The following SGSM3 variants were observed in gnomAD, a reference collection of about 807,000 sequenced individuals.
The protein encoded by SGSM3 is RUN and SH3 containing 3.
A neutral mutation model predicts 100.5 loss-of-function variants in SGSM3; 96 were observed. The observed-to-expected ratio is 0.96, with a 90% CI of 0.81 to 1.13. SGSM3 has a LOEUF of 1.13. Among genes scored for constraint, SGSM3 ranks in the 50% most tolerant of loss-of-function variants. SGSM3 has a pLI of 0.00. For synonymous variants in SGSM3, 483 were observed against 422.8 expected (o/e 1.14, Z -1.75); for missense variants, 1,001 against 1,015.8 (o/e 0.99, Z 0.20).
Position 40,409,817 on chromosome 22 carries a change from C to A in SGSM3, c.*58C>A, listed in dbSNP as rs1018167924. 4 of 1,575,350 alleles carry A rather than the reference C, an allele frequency of 2.5e-6. No individual in the cohort carries two copies. The highest frequency in any genetic ancestry group is 1.1e-5 in the South Asian group (1 of 88,168). Reference sequence around the variant, plus strand: ...GTCTGAGGTGGCCCAGGACCCCAAGCTGCAGAGCCCAGGGAAGAGCAGCTC... The same window carrying A: ...GTCTGAGGTGGCCCAGGACCCCAAGATGCAGAGCCCAGGGAAGAGCAGCTC... On this transcript the variant is annotated 3_prime_UTR_variant, in exon 22 of 22. Transcript: ENST00000248929.
At chr22:40,390,350 A>G (rs1317003333) in intron 1 of SGSM3, 1 of 152,186 alleles carries the variant, frequency 6.6e-6, no homozygotes, top group Non-Finnish European at 1.5e-5. Context: ...CCTTTTTAAC[A>G]AGTATTTTCA....
At chr22:40,392,339 C>T (rs1220843692) in intron 1 of SGSM3, among the ~76,000 whole-genome samples, 3 of 150,266 alleles carry the variant, frequency 2.0e-5, no homozygotes, top group African/African-American at 7.4e-5. Flanking sequence ...AAGTTCCTGA[C>T]TTCACAGGTT....
intron 1 of SGSM3, among the ~76,000 whole-genome samples, chr22:40,374,746 G>T (rs12160264): frequency 1.6e-4 from 24 of 152,368 alleles, no homozygotes; most frequent in African/African-American, 5.8e-4. Context: ...CAGTCATGGT[G>T]ATGTGCGCCT....
chr22:40,406,349 G>T lies in SGSM3; in HGVS notation c.961-89G>T, dbSNP rs1416482135. On this transcript the variant is annotated intron_variant, in intron 9 of 21. Coordinates refer to ENST00000248929, the MANE Select transcript of SGSM3 (RefSeq NM_015705.6). ...CCTGACAACTGTGCCAAGGCAAACG[G>T]GTCCCTGAGGATGGGGGTTGGGGTC... 3.3e-6 allele frequency: 5 copies of T among 1,498,478 alleles called. No homozygotes were observed. The East Asian group carries it at 9.5e-5, about 28-fold the overall frequency. 92.8% of individuals were successfully genotyped at this position (1,498,478 alleles called of 1,614,324 possible).
chr22:40,398,407 G>A (rs2050323524), intron 1 of SGSM3, among the ~76,000 whole-genome samples: 1 of 141,448 alleles, frequency 7.1e-6, no homozygotes, highest in Non-Finnish European at 1.5e-5. Flanking sequence ...CCAAGATCAG[G>A]AAAGGGGAGG....
In SGSM3 at chr22:40,409,460, T is replaced by TC; in HGVS notation, c.2112-4dup. The TC allele has an allele frequency of 1.3e-6, 2 of 1,577,688 alleles. No homozygotes were observed. Among genetic ancestry groups the TC allele is most frequent in the Non-Finnish European group, 1.7e-6 (2 of 1,161,560 alleles). ...AGAGCCTTACCACCCCTTCCTCACC[T>TC]CTAGAGTCCTCTGCTGCTTTGCCTT... On this transcript the variant is annotated splice_region_variant and splice_polypyrimidine_tract_variant and intron_variant, in intron 20 of 21. Coordinates refer to ENST00000248929, the MANE Select transcript of SGSM3 (RefSeq NM_015705.6).
rs910177378 is a variant in SGSM3, at chr22:40,410,033, AGGGAAG to A, written c.*279_*284del. The A allele has an allele frequency of 3.1e-5, 41 of 1,312,568 alleles. No individual in the cohort carries two copies. In the Admixed American group the frequency reaches 4.3e-4, roughly 14 times the overall value. 81.3% of individuals were successfully genotyped at this position (1,312,568 alleles called of 1,614,324 possible). The stretch of plus-strand genomic sequence containing the variant: ...GGGAGCCATGTCTGTGCTCAGGAAG[AGGGAAG>A]GGGATGGGGGTGGCTAGTAGGCTCC... On this transcript the variant is annotated 3_prime_UTR_variant, in exon 22 of 22. Coordinates refer to ENST00000248929, the MANE Select transcript of SGSM3 (RefSeq NM_015705.6).
At chr22:40,389,656 C>G (rs1482738696) in intron 1 of SGSM3, among the ~76,000 whole-genome samples, 2 of 148,098 alleles carry the variant, frequency 1.4e-5, no homozygotes, top group Admixed American at 1.4e-4. Context: ...GCCTGTAATC[C>G]CAGCACTTTG....
At chr22:40,392,774 C>T (rs1275742768) in intron 1 of SGSM3, among the ~76,000 whole-genome samples, 1 of 152,228 alleles carries the variant, frequency 6.6e-6, no homozygotes, top group Non-Finnish European at 1.5e-5. Flanking sequence ...TCATCAGTAT[C>T]TAATTCCAGA....
Position 40,406,197 on chromosome 22 carries a change from C to G in SGSM3, c.934C>G (p.Leu312Val). ...CGAGGGCTCCCGGGTGCTGTTCCAGCTCACGCTGGGCATGCTGCACCTCAA... is the reference window on the plus strand; with the variant it reads ...CGAGGGCTCCCGGGTGCTGTTCCAGGTCACGCTGGGCATGCTGCACCTCAA... ...FYEGSRVLFQ[L>V]TLGMLHLKEE... Residue 312 changes from leucine (L) to valine (V), a missense_variant, in exon 9 of 22, where the codon CTC becomes GTC. Physicochemically the swap from Leu to Val is conservative, Grantham distance 32. Transcript: ENST00000248929. 6.2e-7 allele frequency: 1 copy of G among 1,614,098 alleles called. No individual in the cohort carries two copies. The highest frequency in any genetic ancestry group is 8.5e-7 in the Non-Finnish European group (1 of 1,180,026).
chr22:40,372,093 G>A (rs2045621076), intron 1 of SGSM3, among the ~76,000 whole-genome samples: 1 of 146,474 alleles, frequency 6.8e-6, no homozygotes, highest in Non-Finnish European at 1.5e-5. Context: ...AGTAGCCTGA[G>A]CTTTAGTTCT....
In SGSM3 at chr22:40,409,309, A is replaced by G. The variant is rs776988142; in HGVS notation, c.2048A>G (p.Lys683Arg). ...TGCTCCAGCCTGCCCACCGTGGAGA[A>G]GTGGTACCAGCCCTGGTCCTTCCTG... is the stretch of plus-strand genomic sequence containing the variant. The part of the protein sequence containing the change: ...VLCSSLPTVE[K>R]WYQPWSFLRS... The change falls in exon 20 of 22, where the codon AAG (lysine) becomes AGG (arginine). Residue 683 changes from lysine to arginine, a missense_variant. Coordinates refer to ENST00000248929, the MANE Select transcript of SGSM3 (RefSeq NM_015705.6). 2 of 1,613,176 alleles carry G rather than the reference A, an allele frequency of 1.2e-6. No individual in the cohort carries two copies. Among genetic ancestry groups the G allele is most frequent in the South Asian group, 2.2e-5 (2 of 91,056 alleles).
intron 1 of SGSM3, among the ~76,000 whole-genome samples, chr22:40,376,000 C>T (rs2046486817): frequency 6.7e-6 from 1 of 150,370 alleles, no homozygotes; most frequent in African/African-American, 2.4e-5. Flanking sequence ...GTGATCACAC[C>T]ACACACCACA....
At chr22:40,405,932 A>C in intron 8 of SGSM3, 88 bp downstream of exon 8, 3 of 1,480,696 alleles carry the variant, frequency 2.0e-6, no homozygotes, top group Non-Finnish European at 2.8e-6. Flanking sequence ...CAGCCCCCCA[A>C]CCATGGTCTT....
In SGSM3 at chr22:40,409,969, C is replaced by A; in HGVS notation, c.*210C>A. ...CAGGGTCCTTAGGGATGCTCTAGGC[C>A]AAACCACAGTTTGTACCAAAAACCT... On this transcript the variant is annotated 3_prime_UTR_variant, in exon 22 of 22. Coordinates refer to ENST00000248929, the MANE Select transcript of SGSM3 (RefSeq NM_015705.6). 7.3e-7 allele frequency: 1 copy of A among 1,365,976 alleles called. No individual in the cohort carries two copies. Among genetic ancestry groups the A allele is most frequent in the Non-Finnish European group, 9.4e-7 (1 of 1,066,462 alleles). 84.6% of individuals were successfully genotyped at this position (1,365,976 alleles called of 1,614,324 possible).
chr22:40,409,059 G>A (rs1356690015), intron 19 of SGSM3, 41 bp downstream of exon 19: 1 of 1,553,694 alleles, frequency 6.4e-7, no homozygotes, highest in South Asian at 1.2e-5. Context: ...CCTGGAGTGG[G>A]GGGACCCAGC....
chr22:40,373,229 G>A (rs1049941090), intron 1 of SGSM3: 1 of 152,170 alleles, frequency 6.6e-6, no homozygotes, highest in East Asian at 1.9e-4. Context: ...TGTCTGTGCT[G>A]TACTACCTTA....
chr22:40,404,776 T>C, intron 6 of SGSM3, 112 bp downstream of exon 6: 1 of 753,124 alleles, frequency 1.3e-6, no homozygotes, highest in South Asian at 1.6e-5. Flanking sequence ...TAGGGGAGGA[T>C]ATTTGCTCCT....
rs779964918 is a variant in SGSM3, at chr22:40,405,731, C to T, written c.701C>T (p.Ala234Val). 23 of 1,613,870 alleles carry T rather than the reference C, an allele frequency of 1.4e-5. No homozygotes were observed. Among genetic ancestry groups the T allele is most frequent in the Non-Finnish European group, 1.7e-5 (20 of 1,179,982 alleles). ...MSAIIEDLLP[A>V]SYFSTTLLGV... ...GCCATCATCGAGGACCTGCTCCCCG[C>T]CTCCTACTTCAGCACCACCCTGCTG... Residue 234 changes from alanine to valine, a missense_variant, in exon 8 of 22, where the codon GCC becomes GTC. By Grantham distance (64) the Ala-to-Val change is moderately conservative. Coordinates refer to ENST00000248929, the MANE Select transcript of SGSM3 (RefSeq NM_015705.6).
Sources: gnomAD v4.1 joint callset for allele counts (sites outside exome capture counted in the v4.1 genomes callset) on GRCh38, gnomAD v4.1.1 for gene constraint, MANE v1.5 for transcripts, NCBI Gene and HGNC (gene_info 2026-07-23, HGNC 2026-07-21) for gene names.